SPATS1: variants seen among roughly 807,000 people sequenced by gnomAD.
SPATS1 encodes the protein spermatogenesis associated serine rich 1.
A neutral mutation model predicts 33.6 loss-of-function variants in SPATS1; 23 were observed. That is an observed-to-expected ratio of 0.68 (90% CI 0.49 to 0.97). The LOEUF is 0.97. SPATS1 is among the 50% of genes least tolerant of loss of function. The pLI, the probability that SPATS1 is intolerant of heterozygous loss-of-function variation, is 0.00. For missense variants in SPATS1, 327 were observed against 361.0 expected, an observed-to-expected ratio of 0.91 and a Z score of 0.76; for synonymous variants, 131 against 125.6, an observed-to-expected ratio of 1.04 and a Z score of -0.29.
At chr6:44,376,602 C>G in intron 8 of SPATS1, 129 bp downstream of exon 8, 1 of 599,006 alleles carries the variant, frequency 1.7e-6, no homozygotes, top group Non-Finnish European at 2.9e-6. Flanking sequence ...GAGTTCAAGA[C>G]AAGCCTGACC....
Position 44,377,057 on chromosome 6 carries a change from A to G in SPATS1, c.897A>G (p.Gln299=), listed in dbSNP as rs751198736. 6.2e-7 allele frequency: 1 copy of G among 1,614,222 alleles called. No homozygotes were observed. Among genetic ancestry groups the G allele is most frequent in the Non-Finnish European group, 8.5e-7 (1 of 1,180,034 alleles). The change falls in exon 9 of 9, where the codon CAA becomes CAG. Residue 299 remains glutamine (Q), a synonymous_variant. Coordinates refer to ENST00000674044, the MANE Select transcript of SPATS1 (RefSeq NM_001372081.1). ...CAGGTGCTTTGGACTTTCCAAGACA[A>G]TCCTGAGCATAAACAGGCCCACAAA... is the stretch of plus-strand genomic sequence containing the variant. ...HLSGALDFPR[Q]S
chr6:44,356,366 C>T (rs1307075418), intron 3 of SPATS1, among the ~76,000 whole-genome samples: 2 of 152,220 alleles, frequency 1.3e-5, no homozygotes, highest in African/African-American at 4.8e-5. Flanking sequence ...GTAATACCTT[C>T]TAGATTAGTT....
chr6:44,351,543 T>G (rs1254261739), intron 2 of SPATS1, among the ~76,000 whole-genome samples: 1 of 152,250 alleles, frequency 6.6e-6, no homozygotes, highest in Admixed American at 6.5e-5. Context: ...TGAGCTTTAG[T>G]GCTCTACGAA....
intron 2 of SPATS1, among the ~76,000 whole-genome samples, chr6:44,345,536 A>G (rs1383598644): frequency 6.6e-6 from 1 of 152,162 alleles, no homozygotes. Flanking sequence ...AGAGCCAACC[A>G]ATTCTTGCTT....
In SPATS1 at chr6:44,377,251, A is replaced by G; in HGVS notation, c.*188A>G. 1 of 632,780 alleles carries G rather than the reference A, an allele frequency of 1.6e-6. No homozygotes were observed. The highest frequency in any genetic ancestry group is 2.8e-5 in the Admixed American group (1 of 35,728). 39.2% of individuals were successfully genotyped at this position (632,780 alleles called of 1,614,324 possible). A position where few individuals can be genotyped will look rare whatever the true frequency, so the allele number is the denominator to read the frequency against. On this transcript the variant is annotated 3_prime_UTR_variant, in exon 9 of 9. Coordinates refer to ENST00000674044, the MANE Select transcript of SPATS1 (RefSeq NM_001372081.1). ...ACATAAAAGTTGCAAGAATTGTACA[A>G]CAAACACCTGCATATCCTTCACATA...
chr6:44,349,271 C>A (rs1027666540), intron 2 of SPATS1, among the ~76,000 whole-genome samples: 1 of 141,670 alleles, frequency 7.1e-6, no homozygotes, highest in African/African-American at 2.7e-5. Context: ...TGCACTCCAG[C>A]CTGGGCGACT....
At chr6:44,344,389 ACGTGTG>A (rs1269379062) in intron 2 of SPATS1, among the ~76,000 whole-genome samples, 8 of 124,734 alleles carry the variant, frequency 6.4e-5, no homozygotes, top group South Asian at 5.0e-4. Flanking sequence ...AATTGAAGAT[ACGTGTG>A]TGTGTGTGTG....
intron 6 of SPATS1, 65 bp downstream of exon 6, chr6:44,368,564 C>A: frequency 6.9e-7 from 1 of 1,449,702 alleles, no homozygotes; most frequent in Non-Finnish European, 9.4e-7. Context: ...CTCTACTACA[C>A]AGAAATTATA....
chr6:44,350,395 A>G (rs1382024129), intron 2 of SPATS1, among the ~76,000 whole-genome samples: 1 of 152,204 alleles, frequency 6.6e-6, no homozygotes, highest in Non-Finnish European at 1.5e-5. Flanking sequence ...GTGGGGGCTT[A>G]TTTAAAATGC....
chr6:44,363,457 T>C (rs1452518754), intron 5 of SPATS1, among the ~76,000 whole-genome samples: 1 of 152,232 alleles, frequency 6.6e-6, no homozygotes, highest in Non-Finnish European at 1.5e-5. Context: ...CCCTGCACTC[T>C]TGAGCTGCAA....
chr6:44,363,172 G>T (rs1366047899), intron 5 of SPATS1, among the ~76,000 whole-genome samples: 1 of 151,458 alleles, frequency 6.6e-6, no homozygotes, highest in African/African-American at 2.4e-5. Flanking sequence ...TTGCTCTGTG[G>T]CCCAGGCTGG....
At chr6:44,344,390 C>CGTGTGT (rs70993448) in intron 2 of SPATS1, among the ~76,000 whole-genome samples, 5,224 of 145,500 alleles carry the variant, frequency 0.036, 243 homozygotes, top group African/African-American at 0.1. Context: ...ATTGAAGATA[C>CGTGTGT]GTGTGTGTGT....
chr6:44,375,401 C>G (rs553997296), intron 7 of SPATS1, among the ~76,000 whole-genome samples: 45 of 152,286 alleles, frequency 3.0e-4, no homozygotes, highest in Admixed American at 2.9e-3. Context: ...GTGGCACTGC[C>G]AGAATTGGGG....
chr6:44,377,949 T>C lies in SPATS1; in HGVS notation c.*886T>C, dbSNP rs1221623669. ...GTGGGGAGGACAAACATTTAGACCA[T>C]AGCAGTGAACTTTCATTGCTTTTGG... On this transcript the variant is annotated 3_prime_UTR_variant, in exon 9 of 9. Transcript: ENST00000674044. 6.6e-6 allele frequency: 1 copy of C among 152,210 alleles called. No individual in the cohort carries two copies. The highest frequency in any genetic ancestry group is 2.4e-5 in the African/African-American group (1 of 41,454). The allele number at this position is 152,210 out of a possible 1,614,324, so 9.4% of individuals were successfully genotyped here. A position where few individuals can be genotyped will look rare whatever the true frequency, so the allele number is the denominator to read the frequency against.
chr6:44,347,670 G>C (rs1013579622), intron 2 of SPATS1, among the ~76,000 whole-genome samples: 1 of 152,082 alleles, frequency 6.6e-6, no homozygotes, highest in Non-Finnish European at 1.5e-5. Context: ...GATAAGAAAG[G>C]ATTAATTTTA....
intron 2 of SPATS1, 133 bp from the exon 3 acceptor site, chr6:44,352,593 C>T (rs1788306535): frequency 1.3e-6 from 1 of 753,582 alleles, no homozygotes; most frequent in Non-Finnish European, 2.2e-6. Flanking sequence ...AAGGTGTTGA[C>T]ATAATCCTCA....
chr6:44,343,514 G>C (rs149039948), intron 2 of SPATS1: 9 of 537,312 alleles, frequency 1.7e-5, no homozygotes, highest in African/African-American at 1.5e-4. Flanking sequence ...CCAGAGATTT[G>C]ACCTGCCCAG....
At chr6:44,344,390 CGTGTGTGTGTGTGTGTGTGTGT>C (rs70993448) in intron 2 of SPATS1, among the ~76,000 whole-genome samples, 1 of 145,498 alleles carries the variant, frequency 6.9e-6, no homozygotes, top group East Asian at 2.0e-4. Flanking sequence ...ATTGAAGATA[CGTGTGTGTGTGTGTGTGTGTGT>C]GTGTGTGTGT....
chr6:44,343,372 G>C, intron 2 of SPATS1, 138 bp downstream of exon 2: 1 of 962,810 alleles, frequency 1.0e-6, no homozygotes, highest in Non-Finnish European at 1.6e-6. Flanking sequence ...AGAGCTGCTT[G>C]AATAGTAGCT....
Sources: allele counts gnomAD v4.1 joint callset (sites outside exome capture counted in the v4.1 genomes callset), GRCh38; gene constraint gnomAD v4.1.1; transcripts MANE v1.5; gene names NCBI Gene and HGNC (gene_info 2026-07-23, HGNC 2026-07-21).